The following TRAPPC9 variants were observed in gnomAD, a reference collection of about 807,000 sequenced individuals.
TRAPPC9 encodes trafficking protein particle complex subunit 9, also known as IKK2 binding protein.
TRAPPC9 carries 83 observed loss-of-function variants against 124.0 expected under a neutral mutation model. The observed-to-expected ratio is 0.67, with a 90% CI of 0.56 to 0.80. The LOEUF (loss-of-function observed/expected upper bound fraction) is 0.80. Ranked by LOEUF, TRAPPC9 falls within the 30% of genes least tolerant of loss-of-function variation. The pLI is 0.00. For synonymous variants in TRAPPC9, 638 were observed against 617.5 expected (o/e 1.03, Z -0.49); for missense variants, 1,302 against 1,508.3 (o/e 0.86, Z 2.27).
At chr8:140,150,624 G>C (rs767127355) in intron 17 of TRAPPC9, among the ~76,000 whole-genome samples, 8 of 152,206 alleles carry the variant, frequency 5.3e-5, no homozygotes, top group Non-Finnish European at 1.2e-4. Context: ...AACCAGAGAG[G>C]AGATGAGATC....
intron 20 of TRAPPC9, among the ~76,000 whole-genome samples, chr8:139,896,744 G>C (rs961209114): frequency 1.3e-5 from 2 of 152,222 alleles, no homozygotes; most frequent in Admixed American, 6.5e-5. Context: ...GTTGTGCCAA[G>C]GCCCTGCAGT....
chr8:140,124,787 G>C (rs1283673566), intron 17 of TRAPPC9, among the ~76,000 whole-genome samples: 1 of 152,180 alleles, frequency 6.6e-6, no homozygotes, highest in African/African-American at 2.4e-5. Flanking sequence ...CCCACAGGGA[G>C]GGCAGCATAT....
intron 17 of TRAPPC9, among the ~76,000 whole-genome samples, chr8:140,089,856 T>C (rs1844447673): frequency 1.3e-5 from 2 of 151,956 alleles, no homozygotes; most frequent in African/African-American, 2.4e-5. Context: ...GAGGCGGGCA[T>C]ATCACGAGGT....
At chr8:140,255,592 C>T (rs4475456) in intron 15 of TRAPPC9, among the ~76,000 whole-genome samples, 29,009 of 152,208 alleles carry the variant, frequency 0.19, 3,838 homozygotes, top group East Asian at 0.73. Flanking sequence ...CAGATGATTT[C>T]GAGAAGCTGT....
At chr8:140,312,645 C>A (rs115950564) in intron 9 of TRAPPC9, among the ~76,000 whole-genome samples, 2,248 of 152,032 alleles carry the variant, frequency 0.015, 62 homozygotes, top group African/African-American at 0.052. Flanking sequence ...AGGCTGGTGA[C>A]CATAAATAAT....
intron 17 of TRAPPC9, among the ~76,000 whole-genome samples, chr8:140,067,437 C>T (rs1563735136): frequency 6.6e-6 from 1 of 152,164 alleles, no homozygotes; most frequent in Non-Finnish European, 1.5e-5. Flanking sequence ...GCCACCACGC[C>T]CCACCAACCT....
chr8:140,277,894 G>C (rs762183887), intron 14 of TRAPPC9, among the ~76,000 whole-genome samples: 15 of 152,212 alleles, frequency 9.9e-5, no homozygotes, highest in Admixed American at 2.0e-4. Context: ...CTATGGCGAT[G>C]AGACTCTCTT....
At chr8:139,833,154 A>G (rs553957245) in intron 21 of TRAPPC9, among the ~76,000 whole-genome samples, 70 of 152,304 alleles carry the variant, frequency 4.6e-4, no homozygotes, top group African/African-American at 1.5e-3. Flanking sequence ...TGCCAACAAT[A>G]AGAACAAGCT....
intron 19 of TRAPPC9, among the ~76,000 whole-genome samples, chr8:139,918,542 G>C (rs1356843223): frequency 1.3e-5 from 2 of 152,146 alleles, no homozygotes; most frequent in Non-Finnish European, 2.9e-5. Context: ...GGCCCTCCCC[G>C]GCCCTCCCAC....
intron 17 of TRAPPC9, among the ~76,000 whole-genome samples, chr8:140,150,398 G>A (rs540529226): frequency 6.0e-4 from 92 of 152,286 alleles, no homozygotes; most frequent in African/African-American, 2.0e-3. Context: ...GCAGTGAGCC[G>A]AGATCACGCC....
At chr8:140,355,953 C>T (rs2067729392) in intron 9 of TRAPPC9, among the ~76,000 whole-genome samples, 1 of 152,188 alleles carries the variant, frequency 6.6e-6, no homozygotes, top group Admixed American at 6.5e-5. Context: ...TCACAATAGG[C>T]TTAGAAGTGA....
chr8:139,837,209 A>G (rs964720849), intron 21 of TRAPPC9, among the ~76,000 whole-genome samples: 2 of 152,184 alleles, frequency 1.3e-5, no homozygotes, highest in Admixed American at 6.5e-5. Context: ...CGTGACACAC[A>G]TGCAAGAGCC....
At chr8:140,051,576 C>CTTTTTTTT (rs1197128988) in intron 17 of TRAPPC9, among the ~76,000 whole-genome samples, 46 of 87,978 alleles carry the variant, frequency 5.2e-4, no homozygotes, top group African/African-American at 8.0e-4. Flanking sequence ...ATTGTTCATT[C>CTTTTTTTT]TTTTTTTTTT....
At chr8:140,311,490 A>G in intron 9 of TRAPPC9, 116 bp from the exon 10 acceptor site, 1 of 1,270,092 alleles carries the variant, frequency 7.9e-7, no homozygotes, top group Non-Finnish European at 1.1e-6. Flanking sequence ...TCTGACAGAA[A>G]TGAAGGGGCA....
chr8:139,962,624 A>G (rs1835417213), intron 19 of TRAPPC9, among the ~76,000 whole-genome samples: 1 of 124,216 alleles, frequency 8.1e-6, no homozygotes, highest in African/African-American at 2.6e-5. Flanking sequence ...CCAATCCTGG[A>G]GAACCCACTG....
intron 3 of TRAPPC9, 58 bp from the exon 4 acceptor site, chr8:140,435,298 C>A (rs1443045643): frequency 1.0e-5 from 16 of 1,534,024 alleles, no homozygotes; most frequent in Non-Finnish European, 1.2e-5. Context: ...AAACCAGCAT[C>A]ATTAGTCAAG....
Position 140,174,495 on chromosome 8 carries a change from T to C in TRAPPC9, c.2556+46964A>G, listed in dbSNP as rs141041684. ...TATTCACAGAATTGTGCAATCATCA[T>C]CACTATCTAATTTCGGAGTATTTCC... is the stretch of plus-strand genomic sequence containing the variant. On this transcript the variant is annotated intron_variant, in intron 17 of 22. Coordinates refer to ENST00000438773, the MANE Select transcript of TRAPPC9 (RefSeq NM_001160372.4). Among the ~76,000 whole-genome samples the C allele has an allele frequency of 1.9e-3, 285 of 152,336 alleles. 1 individual carries two copies. Among genetic ancestry groups the C allele is most frequent in the African/African-American group, 6.4e-3 (267 of 41,572 alleles).
intron 20 of TRAPPC9, among the ~76,000 whole-genome samples, chr8:139,900,973 AAAATAAATAAAT>A (rs1554668199): frequency 1.7e-5 from 2 of 118,294 alleles, no homozygotes; most frequent in Non-Finnish European, 3.4e-5. Flanking sequence ...TCATCTCTCA[AAAATAAATAAAT>A]AAATAAATAA....
rs532664216 is a variant in TRAPPC9, at chr8:140,241,132, C to T, written c.2431+11645G>A. On this transcript the variant is annotated intron_variant, in intron 16 of 22. Coordinates refer to ENST00000438773, the MANE Select transcript of TRAPPC9 (RefSeq NM_001160372.4). This position sits in a 1 kb window ranked among gnomAD's most constrained non-coding sequence, Gnocchi z 5.0. ...AGACCATTCAGGCCGGGTGTGGTGG[C>T]TCACACCTGTAATTCCAGCACTTTA... Among the ~76,000 whole-genome samples, 1 of 152,312 alleles carries T rather than the reference C, an allele frequency of 6.6e-6. No individual in the cohort carries two copies. The highest frequency in any genetic ancestry group is 2.4e-5 in the African/African-American group (1 of 41,554).
Sources: allele counts gnomAD v4.1 joint callset (sites outside exome capture counted in the v4.1 genomes callset), GRCh38; gene constraint gnomAD v4.1.1; non-coding constraint Gnocchi (gnomAD v3.1); transcripts MANE v1.5; gene names NCBI Gene and HGNC (gene_info 2026-07-23, HGNC 2026-07-21).